The following PRR16 variants were observed in gnomAD, a reference collection of about 807,000 sequenced individuals.
The protein encoded by PRR16 is protein Largen.
PRR16 carries 6 observed loss-of-function variants against 18.2 expected under a neutral mutation model. The ratio of observed to expected loss-of-function variants is 0.33; its 90% CI spans 0.18 to 0.65. PRR16 has a LOEUF of 0.65. Among genes scored for constraint, PRR16 ranks in the 30% least tolerant of loss-of-function variants. The pLI, the probability that PRR16 is intolerant of heterozygous loss-of-function variation, is 0.74. For missense variants in PRR16, 412 were observed against 376.6 expected, an observed-to-expected ratio of 1.09 and a Z score of -0.78; for synonymous variants, 151 against 147.8, an observed-to-expected ratio of 1.02 and a Z score of -0.16.
chr5:120,735,678 G>GTTGTTA, the PRR16 span, among the ~76,000 whole-genome samples: 1 of 151,712 alleles, frequency 6.6e-6, no homozygotes, highest in Middle Eastern at 3.2e-3. Context: ...TGTTGTTGTT[G>GTTGTTA]TTATTGTTGA....
Position 120,529,876 on chromosome 5 carries a change from G to T in PRR16, c.159+65231G>T, listed in dbSNP as rs1040259647. On this transcript the variant is annotated intron_variant, in intron 1 of 1. Coordinates refer to ENST00000407149, the MANE Select transcript of PRR16 (RefSeq NM_001300783.2). ...CATGTAAGTAAAGTCACTCTTATAA[G>T]ACCAGAAAATAGTAAACACAATACA... is the stretch of plus-strand genomic sequence containing the variant. 6.6e-5 allele frequency among the ~76,000 whole-genome samples: 10 copies of T among 151,716 alleles called. 1 individual carries two copies. In the South Asian group the frequency reaches 1.5e-3, roughly 22 times the overall value.
chr5:120,655,725 C>CTTTTTTT (rs5870911), intron 1 of PRR16, among the ~76,000 whole-genome samples: 3 of 102,792 alleles, frequency 2.9e-5, no homozygotes, highest in Non-Finnish European at 2.0e-5. Flanking sequence ...TAGCAATTGA[C>CTTTTTTT]TTTTTTTTTT....
chr5:120,736,882 G>A, the PRR16 span, among the ~76,000 whole-genome samples: 1 of 151,778 alleles, frequency 6.6e-6, no homozygotes, highest in Non-Finnish European at 1.5e-5. Context: ...ATTTCCATTT[G>A]GTGTTGATCA....
intron 1 of PRR16, among the ~76,000 whole-genome samples, chr5:120,679,329 C>T (rs193219582): frequency 2.0e-3 from 300 of 152,234 alleles, no homozygotes; most frequent in Non-Finnish European, 3.7e-3. Context: ...ATCTTCTCAC[C>T]TCCAAATGTC....
the PRR16 span, among the ~76,000 whole-genome samples, chr5:120,763,821 T>C: frequency 6.6e-6 from 1 of 152,072 alleles, no homozygotes; most frequent in Non-Finnish European, 1.5e-5. Flanking sequence ...TTTGTAACTA[T>C]TATAAATAGA....
chr5:120,762,604 A>G, the PRR16 span, among the ~76,000 whole-genome samples: 1 of 152,074 alleles, frequency 6.6e-6, no homozygotes, highest in African/African-American at 2.4e-5. Flanking sequence ...AAATGTCTAT[A>G]CAGGTTCTTT....
At chr5:120,775,582 T>C in the PRR16 span, among the ~76,000 whole-genome samples, 2 of 143,790 alleles carry the variant, frequency 1.4e-5, no homozygotes, top group African/African-American at 2.5e-5. Context: ...CACCACTGGA[T>C]AGACATCTTT....
chr5:120,655,325 G>A (rs1047347622), intron 1 of PRR16, among the ~76,000 whole-genome samples: 2 of 148,336 alleles, frequency 1.3e-5, no homozygotes, highest in African/African-American at 5.0e-5. Flanking sequence ...AATGTATAAT[G>A]TTAGCAAGAA....
chr5:120,639,449 G>A (rs192601359), intron 1 of PRR16, among the ~76,000 whole-genome samples: 8 of 151,982 alleles, frequency 5.3e-5, no homozygotes, highest in Non-Finnish European at 5.9e-5. Context: ...AATGATTTTT[G>A]CCTGCTCAAA....
the PRR16 span, among the ~76,000 whole-genome samples, chr5:120,725,412 T>C: frequency 1.3e-5 from 2 of 151,778 alleles, no homozygotes; most frequent in African/African-American, 4.8e-5. Context: ...TCCCAGTGCT[T>C]TGCGAGTCCA....
At chr5:120,783,198 C>T in the PRR16 span, among the ~76,000 whole-genome samples, 1 of 152,168 alleles carries the variant, frequency 6.6e-6, no homozygotes, top group African/African-American at 2.4e-5. Context: ...ATATCATTTT[C>T]TTCACATTAC....
At chr5:120,567,978 A>G (rs1169709833) in intron 1 of PRR16, among the ~76,000 whole-genome samples, 1 of 152,076 alleles carries the variant, frequency 6.6e-6, no homozygotes, top group African/African-American at 2.4e-5. Context: ...TAACATGTCT[A>G]TTGGATATAG....
chr5:120,566,686 A>G (rs922724678), intron 1 of PRR16, among the ~76,000 whole-genome samples: 2 of 152,228 alleles, frequency 1.3e-5, no homozygotes, highest in Non-Finnish European at 2.9e-5. Flanking sequence ...ATAGCTGTAC[A>G]CACTATAAAA....
intron 1 of PRR16, among the ~76,000 whole-genome samples, chr5:120,579,972 G>C (rs1561555906): frequency 6.6e-6 from 1 of 152,060 alleles, no homozygotes; most frequent in Non-Finnish European, 1.5e-5. Flanking sequence ...GTATTCCTAG[G>C]TATTTTATTC....
rs141490122 is a variant in PRR16, at chr5:120,590,283, T to G, written c.160-95671T>G. Among the ~76,000 whole-genome samples, 543 of 152,228 alleles carry G rather than the reference T, an allele frequency of 3.6e-3. 7 individuals carry two copies. The highest frequency in any genetic ancestry group is 0.012 in the African/African-American group (519 of 41,554). On this transcript the variant is annotated intron_variant, in intron 1 of 1. Transcript: ENST00000407149. The stretch of plus-strand genomic sequence containing the variant: ...CTTTCTTCTGAATGCCCATCATAAT[T>G]TTTGCCTGTCTTGTTGAACCCATTC...
chr5:120,736,536 G>C, the PRR16 span, among the ~76,000 whole-genome samples: 2 of 87,130 alleles, frequency 2.3e-5, no homozygotes, highest in Admixed American at 2.2e-4. Context: ...AAGTGTAAAG[G>C]CTTTTTTTTT....
the PRR16 span, among the ~76,000 whole-genome samples, chr5:120,697,545 T>A: frequency 6.6e-6 from 1 of 152,334 alleles, no homozygotes; most frequent in East Asian, 1.9e-4. Context: ...CATTTACATT[T>A]TCATGCGCGT....
At chr5:120,761,247 G>A in the PRR16 span, among the ~76,000 whole-genome samples, 1 of 152,008 alleles carries the variant, frequency 6.6e-6, no homozygotes, top group Non-Finnish European at 1.5e-5. Context: ...ATTTTTTGAG[G>A]AAACTGGATT....
Position 120,686,703 on chromosome 5 carries a change from C to G in PRR16, c.909C>G (p.Thr303=), listed in dbSNP as rs145865408. The change falls in exon 2 of 2, where the codon ACC becomes ACG. Residue 303 remains threonine (T), a synonymous_variant. Coordinates refer to ENST00000407149, the MANE Select transcript of PRR16 (RefSeq NM_001300783.2). Reference sequence around the variant, plus strand: ...TCTTGAGGAAGTCAACCACTACAACCGTGTGATGTATGCCATTAAAAAAAT... The same window carrying G: ...TCTTGAGGAAGTCAACCACTACAACGGTGTGATGTATGCCATTAAAAAAAT... ...KTILRKSTTT[T]V The G allele has an allele frequency of 1.9e-5, 29 of 1,504,802 alleles. 1 individual carries two copies. Among genetic ancestry groups the G allele is most frequent in the Middle Eastern group, 3.6e-4 (2 of 5,584 alleles). 93.2% of individuals were successfully genotyped at this position (1,504,802 alleles called of 1,614,324 possible).
Sources: gnomAD v4.1 joint callset for allele counts (sites outside exome capture counted in the v4.1 genomes callset) on GRCh38, gnomAD v4.1.1 for gene constraint, MANE v1.5 for transcripts, NCBI Gene and HGNC (gene_info 2026-07-23, HGNC 2026-07-21) for gene names.